The following TCF12 variants were observed in gnomAD, a reference collection of about 807,000 sequenced individuals.
TCF12 encodes the protein transcription factor 12, also known as DNA-binding protein HTF4.
Under a neutral mutation model 86.0 loss-of-function variants are expected in TCF12, and 45 were observed. The observed-to-expected ratio is 0.52, with a 90% CI of 0.41 to 0.67. TCF12 has a LOEUF of 0.67. TCF12 is among the 30% of genes least tolerant of loss of function. The pLI, the probability that TCF12 is intolerant of heterozygous loss-of-function variation, is 0.00. For missense variants in TCF12, 881 were observed against 859.9 expected (o/e 1.02, Z -0.31); for synonymous variants, 330 against 299.6 (o/e 1.10, Z -1.05).
intron 3 of TCF12, among the ~76,000 whole-genome samples, chr15:56,921,457 G>A (rs1487965869): frequency 6.6e-6 from 1 of 152,050 alleles, no homozygotes; most frequent in Non-Finnish European, 1.5e-5. Flanking sequence ...ACACACTAGT[G>A]ATCTTGTCTT....
chr15:57,093,136 C>T lies in TCF12; in HGVS notation c.325+1245C>T, dbSNP rs893711083. Among the ~76,000 whole-genome samples the T allele has an allele frequency of 2.6e-5, 4 of 152,020 alleles. No homozygotes were observed. The East Asian group carries it at 7.7e-4, about 29-fold the overall frequency. On this transcript the variant is annotated intron_variant, in intron 5 of 20. Coordinates refer to ENST00000333725, the MANE Select transcript of TCF12 (RefSeq NM_207037.2). ...CAATTTGTTTCAGCGTAAATAAATG[C>T]ACATAGAAAATCATGGTATTATATG...
At chr15:56,944,515 T>C (rs532739388) in intron 3 of TCF12, among the ~76,000 whole-genome samples, 1 of 152,352 alleles carries the variant, frequency 6.6e-6, no homozygotes, top group African/African-American at 2.4e-5. Context: ...CTTTATTTTG[T>C]ATATACATAT....
At chr15:57,141,976 G>A (rs1311056323) in intron 5 of TCF12, among the ~76,000 whole-genome samples, 1 of 152,156 alleles carries the variant, frequency 6.6e-6, no homozygotes, top group East Asian at 1.9e-4. Flanking sequence ...TAGTTTGGGT[G>A]TTTAACAGCT....
chr15:57,222,796 C>CTTTTTTTTG (rs1597416282), intron 8 of TCF12, among the ~76,000 whole-genome samples: 1 of 47,456 alleles, frequency 2.1e-5, no homozygotes, highest in Non-Finnish European at 3.9e-5. Flanking sequence ...TTTTTTTTTA[C>CTTTTTTTTG]TTTTAAGATT....
intron 4 of TCF12, among the ~76,000 whole-genome samples, chr15:57,090,131 TCACTTGAGCCTGGGA>T (rs1385820668): frequency 6.6e-6 from 1 of 151,928 alleles, no homozygotes; most frequent in Admixed American, 6.6e-5. Context: ...GGTGGGAGGA[TCACTTGAGCCTGGGA>T]GGTTGAGGCT....
intron 5 of TCF12, among the ~76,000 whole-genome samples, chr15:57,133,566 C>T (rs751622585): frequency 1.3e-5 from 2 of 151,404 alleles, no homozygotes; most frequent in African/African-American, 2.4e-5. Flanking sequence ...CTGCGCCCCA[C>T]CGAGGTGATT....
chr15:57,230,149 C>T (rs1386056460), intron 8 of TCF12, among the ~76,000 whole-genome samples: 1 of 151,926 alleles, frequency 6.6e-6, no homozygotes, highest in African/African-American at 2.4e-5. Context: ...CAAATTAATA[C>T]ATGATTTTTA....
chr15:57,265,195 A>G (rs2060805877), intron 18 of TCF12, among the ~76,000 whole-genome samples: 1 of 152,066 alleles, frequency 6.6e-6, no homozygotes, highest in Non-Finnish European at 1.5e-5. Flanking sequence ...CAGGTCCTCA[A>G]AGAACATCAT....
intron 3 of TCF12, among the ~76,000 whole-genome samples, chr15:56,992,893 GAGA>G (rs1413564080): frequency 1.3e-5 from 2 of 152,194 alleles, no homozygotes; most frequent in Non-Finnish European, 2.9e-5. Context: ...TTGAGCAACT[GAGA>G]AGAAGTTAGA....
At chr15:57,257,893 T>C (rs988218930) in intron 16 of TCF12, among the ~76,000 whole-genome samples, 2 of 152,188 alleles carry the variant, frequency 1.3e-5, no homozygotes, top group Non-Finnish European at 2.9e-5. Flanking sequence ...ACTATTGAAA[T>C]GTCAGCATTT....
chr15:57,289,868 C>G (rs780325430), downstream of TCF12: 4 of 152,078 alleles, frequency 2.6e-5, no homozygotes, highest in Non-Finnish European at 5.9e-5. Flanking sequence ...CAGGATGATT[C>G]CTCTTCAGCC....
intron 19 of TCF12, 80 bp from the exon 20 acceptor site, chr15:57,282,365 A>G: frequency 6.4e-7 from 1 of 1,559,970 alleles, no homozygotes; most frequent in Non-Finnish European, 8.8e-7. Flanking sequence ...AGTTACACAA[A>G]ACAACAGCAA....
At chr15:57,138,566 C>G (rs1412139013) in intron 5 of TCF12, among the ~76,000 whole-genome samples, 3 of 151,968 alleles carry the variant, frequency 2.0e-5, no homozygotes, top group African/African-American at 7.3e-5. Flanking sequence ...AAGTGTAAAG[C>G]TTAGAGGGGT....
chr15:56,987,014 A>C (rs2063213766), intron 3 of TCF12, among the ~76,000 whole-genome samples: 1 of 151,778 alleles, frequency 6.6e-6, no homozygotes, highest in Admixed American at 6.5e-5. Flanking sequence ...ATTACTAATT[A>C]ATAAATAAGT....
chr15:57,207,213 T>A (rs1382441452), intron 8 of TCF12, among the ~76,000 whole-genome samples: 1 of 152,186 alleles, frequency 6.6e-6, no homozygotes, highest in Non-Finnish European at 1.5e-5. Flanking sequence ...TTGAATCATG[T>A]GTCATGTTTC....
intron 5 of TCF12, among the ~76,000 whole-genome samples, chr15:57,098,029 A>C (rs1198861718): frequency 2.0e-5 from 3 of 150,126 alleles, no homozygotes; most frequent in Admixed American, 1.3e-4. Flanking sequence ...AAAAAAAAAA[A>C]AAAAAACCAG....
At chr15:57,157,802 A>G (rs374415051) in intron 5 of TCF12, among the ~76,000 whole-genome samples, 14 of 152,046 alleles carry the variant, frequency 9.2e-5, no homozygotes, top group African/African-American at 3.4e-4. Flanking sequence ...ACCTCAGGTG[A>G]TCCGCCCACT....
At chr15:57,173,098 T>C (rs970878421) in intron 6 of TCF12, among the ~76,000 whole-genome samples, 7 of 152,080 alleles carry the variant, frequency 4.6e-5, no homozygotes, top group African/African-American at 1.7e-4. Flanking sequence ...CAAAAACCAA[T>C]GTCAGTAAGA....
In TCF12 at chr15:57,200,352, G is replaced by T. The variant is rs146568851; in HGVS notation, c.579+2527G>T. ...GTTTACCTTCTCAGGATCTAAAATAGAATTTTAAGTTGTGATTTCCTATTT... is the reference window on the plus strand; with the variant it reads ...GTTTACCTTCTCAGGATCTAAAATATAATTTTAAGTTGTGATTTCCTATTT... On this transcript the variant is annotated intron_variant, in intron 8 of 20. Transcript: ENST00000333725. Among the ~76,000 whole-genome samples, 3 of 152,152 alleles carry T rather than the reference G, an allele frequency of 2.0e-5. No homozygotes were observed. The East Asian group carries it at 5.8e-4, about 29-fold the overall frequency.
Sources: gnomAD v4.1 joint callset for allele counts (sites outside exome capture counted in the v4.1 genomes callset) on GRCh38, gnomAD v4.1.1 for gene constraint, MANE v1.5 for transcripts, NCBI Gene and HGNC (gene_info 2026-07-23, HGNC 2026-07-21) for gene names.